Variants in TP53BP2 observed in about 807,000 individuals in gnomAD.
TP53BP2 encodes tumor protein p53 binding protein 2.
In TP53BP2, 62 loss-of-function variants were observed where a neutral mutation model predicts 126.2. The ratio of observed to expected loss-of-function variants is 0.49; its 90% CI spans 0.40 to 0.61. The LOEUF is 0.61. Ranked by LOEUF, TP53BP2 falls within the 20% of genes least tolerant of loss-of-function variation. The pLI is 0.00. For missense variants in TP53BP2, 1,215 were observed against 1,402.8 expected, an observed-to-expected ratio of 0.87 and a Z score of 2.14; for synonymous variants, 485 against 502.9, an observed-to-expected ratio of 0.96 and a Z score of 0.48.
chr1:223,812,325 T>A (rs1662938429), intron 3 of TP53BP2, among the ~76,000 whole-genome samples: 1 of 152,210 alleles, frequency 6.6e-6, no homozygotes, highest in Non-Finnish European at 1.5e-5. Flanking sequence ...AATTTAATCA[T>A]TCCTAATGGT....
intron 1 of TP53BP2, chr1:223,834,854 T>C (rs778130019): frequency 2.0e-6 from 2 of 985,310 alleles, no homozygotes; most frequent in Admixed American, 1.2e-4. Context: ...GTAAATGTTC[T>C]CTTTGCTTCT....
chr1:223,843,686 C>T (rs908098218), intron 1 of TP53BP2, among the ~76,000 whole-genome samples: 2 of 152,118 alleles, frequency 1.3e-5, no homozygotes, highest in Non-Finnish European at 2.9e-5. Flanking sequence ...CACTAAATGG[C>T]TTTTCCTGAT....
At chr1:223,825,628 T>G (rs1324868764) in intron 1 of TP53BP2, among the ~76,000 whole-genome samples, 1 of 152,246 alleles carries the variant, frequency 6.6e-6, no homozygotes, top group Non-Finnish European at 1.5e-5. Flanking sequence ...ACCATCATTC[T>G]ACCTCTGTTT....
chr1:223,784,370 C>T, intron 16 of TP53BP2, 56 bp from the exon 17 acceptor site: 2 of 1,554,198 alleles, frequency 1.3e-6, no homozygotes, highest in South Asian at 1.1e-5. Flanking sequence ...GTATACCACT[C>T]TACAACTTTT....
At chr1:223,824,120 G>A (rs779770190) in intron 1 of TP53BP2, among the ~76,000 whole-genome samples, 8 of 152,042 alleles carry the variant, frequency 5.3e-5, no homozygotes, top group Admixed American at 2.0e-4. Flanking sequence ...AAATGAGAAA[G>A]GTACAATTCT....
Position 223,798,604 on chromosome 1 carries a change from A to C in TP53BP2, c.1559T>G (p.Phe520Cys), listed in dbSNP as rs1662420385. ...TKPKQINLPY[F>C]GQTNQPPSDI... Reference sequence around the variant, plus strand: ...TGAAGGTGGCTGATTAGTTTGTCCAAAATAAGGCAAATTAATCTGTTTTGG... The same window carrying C: ...TGAAGGTGGCTGATTAGTTTGTCCACAATAAGGCAAATTAATCTGTTTTGG... Residue 520 changes from phenylalanine (F) to cysteine (C), a missense_variant, in exon 12 of 18, where the codon TTT (phenylalanine) becomes TGT (cysteine). Coordinates refer to ENST00000343537, the MANE Select transcript of TP53BP2 (RefSeq NM_001031685.3). The C allele has an allele frequency of 6.2e-7, 1 of 1,614,024 alleles. No homozygotes were observed. The highest frequency in any genetic ancestry group is 1.7e-5 in the Admixed American group (1 of 59,996).
At chr1:223,837,261 C>G (rs1663955301) in intron 1 of TP53BP2, among the ~76,000 whole-genome samples, 1 of 151,824 alleles carries the variant, frequency 6.6e-6, no homozygotes, top group African/African-American at 2.4e-5. Flanking sequence ...CATTTTAAGA[C>G]AGACTATGGC....
intron 3 of TP53BP2, among the ~76,000 whole-genome samples, chr1:223,812,029 CA>C (rs556093883): frequency 1.9e-3 from 109 of 56,636 alleles, no homozygotes; most frequent in Admixed American, 2.1e-3. Context: ...AAATAGAGAA[CA>C]AAAAAAAAAA....
chr1:223,781,784 C>A (rs1174526237), intron 17 of TP53BP2, among the ~76,000 whole-genome samples: 2 of 152,002 alleles, frequency 1.3e-5, no homozygotes, highest in Non-Finnish European at 2.9e-5. Flanking sequence ...TGAGCCCTAA[C>A]TACATATATG....
At chr1:223,836,093 A>G (rs1435774745) in intron 1 of TP53BP2, among the ~76,000 whole-genome samples, 1 of 152,208 alleles carries the variant, frequency 6.6e-6, no homozygotes, top group Non-Finnish European at 1.5e-5. Context: ...GGAACTGTTG[A>G]AGCACAGAGG....
chr1:223,835,923 A>T (rs73131162), intron 1 of TP53BP2, among the ~76,000 whole-genome samples: 4,722 of 152,202 alleles, frequency 0.031, 243 homozygotes, highest in African/African-American at 0.11. Context: ...CAGAAAAAAA[A>T]ATCCCCTCCA....
At chr1:223,821,515 G>A in intron 1 of TP53BP2, 148 bp from the exon 2 acceptor site, 3 of 1,063,534 alleles carry the variant, frequency 2.8e-6, no homozygotes, top group South Asian at 1.3e-5. Flanking sequence ...AAGGTGAGGT[G>A]TGGACTGGGG....
intron 5 of TP53BP2, 85 bp from the exon 6 acceptor site, chr1:223,804,433 G>A (rs993016742): frequency 3.2e-6 from 4 of 1,259,504 alleles, no homozygotes; most frequent in African/African-American, 3.0e-5. Flanking sequence ...ACACTTAGAT[G>A]TTGAGATTGA....
intron 4 of TP53BP2, 86 bp downstream of exon 4, chr1:223,810,345 A>C (rs1256352436): frequency 3.0e-6 from 3 of 1,004,414 alleles, no homozygotes; most frequent in Non-Finnish European, 4.2e-6. Flanking sequence ...AGCCCATTGA[A>C]TAACAAAGTA....
chr1:223,798,847 G>A (rs550288570), intron 11 of TP53BP2, among the ~76,000 whole-genome samples, 170 bp from the exon 12 acceptor site: 16 of 151,838 alleles, frequency 1.1e-4, no homozygotes, highest in African/African-American at 1.9e-4. Flanking sequence ...CAAAGCAGGC[G>A]GATCACGAGG....
At chr1:223,834,111 C>T (rs2102886552) in intron 1 of TP53BP2, among the ~76,000 whole-genome samples, 1 of 152,310 alleles carries the variant, frequency 6.6e-6, no homozygotes, top group Middle Eastern at 3.4e-3. Context: ...GGAATACAGA[C>T]TTATGCCAAT....
Position 223,802,285 on chromosome 1 carries a change from T to C in TP53BP2, c.1056A>G (p.Ala352=), listed in dbSNP as rs760378307. Residue 352 remains alanine, a synonymous_variant, in exon 9 of 18, where the codon GCA becomes GCG. Transcript: ENST00000343537. ...QAASAPSRVA[A]VGPYIQSSTM... ...TAGACGACTGGATATAGGGACCTAC[T>C]GCAGCCACACGGCTTGGGGCTGACG... 7 of 1,614,116 alleles carry C rather than the reference T, an allele frequency of 4.3e-6. No homozygotes were observed. The African/African-American group carries it at 5.3e-5, about 12-fold the overall frequency.
intron 12 of TP53BP2, among the ~76,000 whole-genome samples, chr1:223,797,718 T>C (rs144788351): frequency 1.6e-3 from 235 of 150,920 alleles, no homozygotes; most frequent in Admixed American, 3.1e-3. Flanking sequence ...GCCACAGTTA[T>C]ATATAAAGAC....
intron 17 of TP53BP2, among the ~76,000 whole-genome samples, chr1:223,781,276 TAGGA>T (rs1661769197): frequency 1.3e-5 from 2 of 152,266 alleles, no homozygotes; most frequent in African/African-American, 4.8e-5. Flanking sequence ...GAGCTTCTAT[TAGGA>T]AGGAAGAAAG....
Sources: gnomAD v4.1 joint callset for allele counts (sites outside exome capture counted in the v4.1 genomes callset) on GRCh38, gnomAD v4.1.1 for gene constraint, MANE v1.5 for transcripts, NCBI Gene and HGNC (gene_info 2026-07-23, HGNC 2026-07-21) for gene names.